FAM13B: variants seen among roughly 807,000 people sequenced by gnomAD.
FAM13B encodes family with sequence similarity 13 member B.
A neutral mutation model predicts 117.3 loss-of-function variants in FAM13B; 60 were observed. That is an observed-to-expected ratio of 0.51 (90% confidence interval 0.42 to 0.63). The LOEUF is 0.63. Among genes scored for constraint, FAM13B ranks in the 30% least tolerant of loss-of-function variants. The pLI, the probability that FAM13B is intolerant of heterozygous loss-of-function variation, is 0.00. For missense variants in FAM13B, 972 were observed against 1,091.9 expected, an observed-to-expected ratio of 0.89 and a Z score of 1.55; for synonymous variants, 332 against 356.1, an observed-to-expected ratio of 0.93 and a Z score of 0.76.
intron 1 of FAM13B, among the ~76,000 whole-genome samples, chr5:138,049,154 C>T (rs1346252096): frequency 6.6e-6 from 1 of 152,126 alleles, no homozygotes; most frequent in Non-Finnish European, 1.5e-5. Context: ...ATTGGCCAGG[C>T]TGGTCTCGAA....
rs879402640 is a variant in FAM13B at position 137,985,330 on chromosome 5, G to A, written c.1106C>T (p.Pro369Leu). The change falls in exon 10 of 24, where the codon CCT (proline) becomes CTT (leucine). Residue 369 changes from proline (P) to leucine (L), a missense_variant. By Grantham distance (98) the Pro-to-Leu change is moderately conservative. Transcript: ENST00000689681. ...ASESNRDCSK[P>L]VASTNLDNEA... ...ATTGTCTAAATTAGTGCTAGCCACAGGTTTTGAACAGTCTCTGTTACTTTC... is the reference window on the plus strand; with the variant it reads ...ATTGTCTAAATTAGTGCTAGCCACAAGTTTTGAACAGTCTCTGTTACTTTC... 14 of 1,613,518 alleles carry A rather than the reference G, an allele frequency of 8.7e-6. No individual in the cohort carries two copies. The highest frequency in any genetic ancestry group is 1.7e-5 in the Admixed American group (1 of 59,982).
chr5:138,011,273 T>A, intron 5 of FAM13B, 124 bp from the exon 6 acceptor site: 1 of 877,450 alleles, frequency 1.1e-6, no homozygotes, highest in Non-Finnish European at 1.7e-6. Flanking sequence ...GCTTCCATTC[T>A]CCCATCTGTA....
chr5:137,947,268 C>G (rs1369624289), intron 18 of FAM13B, among the ~76,000 whole-genome samples: 2 of 152,168 alleles, frequency 1.3e-5, no homozygotes, highest in African/African-American at 4.8e-5. Context: ...AAAAAATTCA[C>G]TGGATAACAT....
At chr5:137,944,292 T>C (rs566207749) in intron 20 of FAM13B, among the ~76,000 whole-genome samples, 5 of 152,128 alleles carry the variant, frequency 3.3e-5, no homozygotes, top group African/African-American at 9.7e-5. Context: ...AGCAATCCCA[T>C]CACTAGGTAT....
At chr5:138,034,995 C>CTTTTTTTTTTTTTTTTTTTT, upstream of FAM13B, among the ~76,000 whole-genome samples, 114 of 34,376 alleles carry the variant, frequency 3.3e-3, 41 homozygotes, top group East Asian at 0.017. Flanking sequence ...ATTCCCTTGC[C>CTTTTTTTTTTTTTTTTTTTT]TTTTTTTTTT....
intron 10 of FAM13B, among the ~76,000 whole-genome samples, chr5:137,978,286 T>C (rs958505040): frequency 3.9e-5 from 6 of 152,282 alleles, no homozygotes. Context: ...ACCTCTGATT[T>C]GTATGTATTT....
At chr5:138,041,623 TA>T (rs1227554485) in intron 1 of FAM13B, among the ~76,000 whole-genome samples, 3 of 152,078 alleles carry the variant, frequency 2.0e-5, no homozygotes, top group Non-Finnish European at 4.4e-5. Flanking sequence ...ACAATCAGTG[TA>T]AATATATTAA....
intron 10 of FAM13B, among the ~76,000 whole-genome samples, chr5:137,972,904 A>G (rs1477456809): frequency 3.3e-5 from 5 of 151,630 alleles, no homozygotes; most frequent in Admixed American, 3.3e-4. Context: ...CTTACAAGGG[A>G]TGTGAAGGAC....
At chr5:138,007,258 C>G in intron 6 of FAM13B, 111 bp from the exon 7 acceptor site, 1 of 847,404 alleles carries the variant, frequency 1.2e-6, no homozygotes, top group Non-Finnish European at 1.7e-6. Flanking sequence ...TTTATTTCCT[C>G]ATTTCCTAGG....
intron 8 of FAM13B, 21 bp from the exon 9 acceptor site, chr5:137,987,637 G>A: frequency 6.2e-7 from 1 of 1,600,346 alleles, no homozygotes; most frequent in Non-Finnish European, 8.5e-7. Flanking sequence ...ACACGTTTTA[G>A]TAAGAAGCAG....
At position 138,032,776 on chromosome 5, in the gene FAM13B, A is replaced by G; in HGVS notation, c.-203+6T>C. On this transcript the variant is annotated splice_donor_region_variant and intron_variant, in intron 1 of 23. Transcript: ENST00000689681. Reference sequence around the variant, plus strand: ...CGCAGATCCGGGTACCCGCCCGTTTACCTACCGTTGGAACCGCGATGCCCC... The same window carrying G: ...CGCAGATCCGGGTACCCGCCCGTTTGCCTACCGTTGGAACCGCGATGCCCC... 1.0e-6 allele frequency: 1 copy of G among 985,636 alleles called. No individual in the cohort carries two copies. Among genetic ancestry groups the G allele is most frequent in the Non-Finnish European group, 1.2e-6 (1 of 829,956 alleles). The allele number at this position is 985,636 out of a possible 1,614,324, so 61.1% of individuals were successfully genotyped here. A position where few individuals can be genotyped will look rare whatever the true frequency, so the allele number is the denominator to read the frequency against.
At position 138,021,078 on chromosome 5, in the gene FAM13B, C is replaced by T. The variant is rs1786604333; in HGVS notation, c.-83G>A. 8.1e-7 allele frequency: 1 copy of T among 1,231,672 alleles called. No homozygotes were observed. 76.3% of individuals were successfully genotyped at this position (1,231,672 alleles called of 1,614,324 possible). A position where few individuals can be genotyped will look rare whatever the true frequency, so the allele number is the denominator to read the frequency against. On this transcript the variant is annotated 5_prime_UTR_variant, in exon 2 of 24. Coordinates refer to ENST00000689681, the MANE Select transcript of FAM13B (RefSeq NM_001385994.1). ...GTTTAAAAAATGGCTTCTGCACCAG[C>T]TACCCTCACTGAGCAAGCATTCTTT...
chr5:137,987,010 G>A (rs1381049421), intron 9 of FAM13B, among the ~76,000 whole-genome samples: 1 of 152,112 alleles, frequency 6.6e-6, no homozygotes. Flanking sequence ...GGGAGAGGCT[G>A]GTGGGAAGGG....
At chr5:138,006,884 G>T in intron 7 of FAM13B, 106 bp downstream of exon 7, 2 of 1,132,952 alleles carry the variant, frequency 1.8e-6, no homozygotes, top group Non-Finnish European at 2.4e-6. Flanking sequence ...ACACACAAAT[G>T]CCAAACTTTC....
chr5:137,981,870 A>C (rs1231325999), intron 10 of FAM13B, among the ~76,000 whole-genome samples: 2 of 152,048 alleles, frequency 1.3e-5, no homozygotes, highest in Non-Finnish European at 2.9e-5. Context: ...GGTAAGTGGG[A>C]GGGCCTGCCA....
chr5:138,007,566 AAAG>A (rs1244580894), intron 6 of FAM13B, among the ~76,000 whole-genome samples: 1 of 152,188 alleles, frequency 6.6e-6, no homozygotes. Flanking sequence ...AAGTGTGAAA[AAAG>A]AAGCGCAAAA....
At chr5:137,990,446 T>C (rs1446987694) in intron 7 of FAM13B, among the ~76,000 whole-genome samples, 2 of 152,204 alleles carry the variant, frequency 1.3e-5, no homozygotes, top group East Asian at 3.8e-4. Context: ...AAGCTTTATA[T>C]AATGTTTTAA....
intron 17 of FAM13B, among the ~76,000 whole-genome samples, chr5:137,951,933 C>T (rs1561739374): frequency 1.3e-5 from 2 of 151,822 alleles, no homozygotes; most frequent in South Asian, 2.1e-4. Flanking sequence ...GCTGAGATGG[C>T]GTCACTGAAT....
intron 22 of FAM13B, 97 bp downstream of exon 22, chr5:137,942,778 T>TCCTTAATA: frequency 1.0e-6 from 1 of 999,988 alleles, no homozygotes; most frequent in South Asian, 1.9e-5. Context: ...TCTTGATTCA[T>TCCTTAATA]CTCCTATTAA....
Sources: gnomAD v4.1 joint callset for allele counts (sites outside exome capture counted in the v4.1 genomes callset) on GRCh38, gnomAD v4.1.1 for gene constraint, MANE v1.5 for transcripts, NCBI Gene and HGNC (gene_info 2026-07-23, HGNC 2026-07-21) for gene names.